The following CPZ variants were observed in gnomAD, a reference collection of about 807,000 sequenced individuals.
CPZ encodes the protein VEZT/CPZ fusion.
In CPZ, 103 loss-of-function variants were observed where a neutral mutation model predicts 61.8. The observed-to-expected ratio is 1.67, with a 90% CI of 1.42 to 1.96. CPZ has a LOEUF of 1.96. Ranked by LOEUF, CPZ falls within the 30% of genes most tolerant of loss-of-function variation. The probability of loss-of-function intolerance (pLI) is 0.00; values close to 1 mark genes in which losing one functional copy is unlikely to be tolerated. For synonymous variants in CPZ, 551 were observed against 373.7 expected, an observed-to-expected ratio of 1.47 and a Z score of -5.47; for missense variants, 1,461 against 914.9, an observed-to-expected ratio of 1.60 and a Z score of -7.70.
rs768055195 is a variant in CPZ, at chr4:8,607,259, C to T, written c.1069-8C>T. 9 of 1,613,780 alleles carry T rather than the reference C, an allele frequency of 5.6e-6. No individual in the cohort carries two copies. Among genetic ancestry groups the T allele is most frequent in the Non-Finnish European group, 7.6e-6 (9 of 1,179,890 alleles). ...AGCCCTGAGGGCGGCCTCGTCTGTC[C>T]TGGGCAGGTGGCCCCGGAGACAAAG... On this transcript the variant is annotated splice_polypyrimidine_tract_variant and splice_region_variant and intron_variant, in intron 6 of 10. Coordinates refer to ENST00000360986, the MANE Select transcript of CPZ (RefSeq NM_001014447.3).
chr4:8,609,940 C>T (rs769614288), intron 7 of CPZ, among the ~76,000 whole-genome samples: 28 of 152,262 alleles, frequency 1.8e-4, no homozygotes, highest in African/African-American at 4.8e-4. Flanking sequence ...GCCCTACGGA[C>T]GAGAGCCAGT....
intron 1 of CPZ, among the ~76,000 whole-genome samples, chr4:8,597,100 C>G (rs1010856566): frequency 5.9e-5 from 9 of 152,178 alleles, no homozygotes; most frequent in African/African-American, 2.2e-4. Context: ...TGTGCTGTAG[C>G]ATCTGCCTCG....
intron 4 of CPZ, among the ~76,000 whole-genome samples, chr4:8,605,641 T>TCCATCCATCCATCCATCCATC (rs1714930948): frequency 7.6e-6 from 1 of 131,418 alleles, no homozygotes; most frequent in African/African-American, 3.8e-5. Flanking sequence ...ATATATCCAT[T>TCCATCCATCCATCCATCCATC]CATCCACTCA....
At position 8,601,175 on chromosome 4, in the gene CPZ, C is replaced by T. The variant is rs768724439; in HGVS notation, c.174C>T (p.His58=). The stretch of plus-strand genomic sequence containing the variant: ...CCTGCAGCGATGCCGCCTACAACCA[C>T]ACCACCTTCCCCAACCTGCTTCAGC... The part of the protein sequence containing the change: ...LRTCSDAAYN[H]TTFPNLLQHR... The change falls in exon 3 of 11, where the codon CAC becomes CAT. Residue 58 remains histidine, a synonymous_variant. Transcript: ENST00000360986. 6.2e-6 allele frequency: 10 copies of T among 1,607,452 alleles called. No individual in the cohort carries two copies. Among genetic ancestry groups the T allele is most frequent in the Middle Eastern group, 1.6e-4 (1 of 6,064 alleles).
chr4:8,597,740 G>C (rs3796734), intron 1 of CPZ: 60,529 of 152,232 alleles, frequency 0.4, 12,830 homozygotes, highest in East Asian at 0.61. Context: ...TGAAACCATC[G>C]CAGGAATGAT....
At chr4:8,616,193 A>C (rs1002609093) in intron 9 of CPZ, among the ~76,000 whole-genome samples, 9 of 152,174 alleles carry the variant, frequency 5.9e-5, no homozygotes, top group Admixed American at 2.0e-4. Flanking sequence ...CGGGCTCCTG[A>C]TAAGGATCAA....
rs781429511 is a variant in CPZ at position 8,618,557 on chromosome 4, G to GA, written c.1603+30dup. On this transcript the variant is annotated intron_variant, in intron 10 of 10. Coordinates refer to ENST00000360986, the MANE Select transcript of CPZ (RefSeq NM_001014447.3). ...AGCACGTCCCTGGCTGTCCCCTGGG[G>GA]ACCACGTCTGCCAAGGAAATGCCAC... 2.5e-6 allele frequency: 4 copies of GA among 1,599,680 alleles called. No individual in the cohort carries two copies. The South Asian group carries it at 3.3e-5, about 13-fold the overall frequency.
At chr4:8,610,470 T>G (rs548248184) in intron 7 of CPZ, among the ~76,000 whole-genome samples, 7 of 152,070 alleles carry the variant, frequency 4.6e-5, no homozygotes, top group African/African-American at 1.7e-4. Context: ...GGAGGCCTTG[T>G]GGGTAGAAAG....
At chr4:8,609,471 G>A (rs1412252017) in intron 7 of CPZ, among the ~76,000 whole-genome samples, 3 of 136,684 alleles carry the variant, frequency 2.2e-5, no homozygotes, top group East Asian at 1.9e-4. Flanking sequence ...CCAAGGGTGC[G>A]AGGGGTGAGG....
rs59809989 is a variant in CPZ at position 8,604,221 on chromosome 4, C to T, written c.709+33C>T. The T allele has an allele frequency of 1.8e-4, 270 of 1,494,754 alleles. 1 individual carries two copies. Among genetic ancestry groups the T allele is most frequent in the African/African-American group, 7.9e-4 (57 of 71,976 alleles). 92.6% of individuals were successfully genotyped at this position (1,494,754 alleles called of 1,614,324 possible). On this transcript the variant is annotated intron_variant, in intron 4 of 10. Coordinates refer to ENST00000360986, the MANE Select transcript of CPZ (RefSeq NM_001014447.3). Reference sequence around the variant, plus strand: ...CCCTTGGGAGAGCCTGGCCTGGCCCCGTTTCGGGAAAGGGCTTGGGCCGCT... The same window carrying T: ...CCCTTGGGAGAGCCTGGCCTGGCCCTGTTTCGGGAAAGGGCTTGGGCCGCT...
At chr4:8,614,987 C>G (rs969578578) in intron 9 of CPZ, among the ~76,000 whole-genome samples, 6 of 152,044 alleles carry the variant, frequency 3.9e-5, no homozygotes, top group African/African-American at 4.8e-5. Flanking sequence ...GGTGAGGACT[C>G]GAGCCGTGGG....
Position 8,619,470 on chromosome 4 carries a change from G to A in CPZ, c.1812G>A (p.Leu604=), listed in dbSNP as rs116784082. The A allele has an allele frequency of 1.6e-4, 254 of 1,610,116 alleles. No individual in the cohort carries two copies. In the African/African-American group the frequency reaches 3.0e-3, roughly 19 times the overall value. The change falls in exon 11 of 11, where the codon CTG becomes CTA. Residue 604 remains leucine, a synonymous_variant. Coordinates refer to ENST00000360986, the MANE Select transcript of CPZ (RefSeq NM_001014447.3). ...GLRRTGPHDP[L]GGASSLGEAT... Reference sequence around the variant, plus strand: ...GGAGGACTGGGCCCCACGACCCACTGGGAGGTGCCAGCTCTTTGGGGGAGG... The same window carrying A: ...GGAGGACTGGGCCCCACGACCCACTAGGAGGTGCCAGCTCTTTGGGGGAGG...
chr4:8,614,351 T>G lies in CPZ; in HGVS notation c.1364-8T>G. ...ACCCCTGACGTCCCCGCTGTCTCTGTGCCACAGGCATGTCCGATTTCAACT... is the reference window on the plus strand; with the variant it reads ...ACCCCTGACGTCCCCGCTGTCTCTGGGCCACAGGCATGTCCGATTTCAACT... On this transcript the variant is annotated splice_polypyrimidine_tract_variant and splice_region_variant and intron_variant, in intron 8 of 10. Coordinates refer to ENST00000360986, the MANE Select transcript of CPZ (RefSeq NM_001014447.3). 6.2e-7 allele frequency: 1 copy of G among 1,611,954 alleles called. No individual in the cohort carries two copies.
At chr4:8,613,737 G>A (rs1207241880) in intron 8 of CPZ, among the ~76,000 whole-genome samples, 1 of 152,212 alleles carries the variant, frequency 6.6e-6, no homozygotes, top group Non-Finnish European at 1.5e-5. Flanking sequence ...GGCTGGGGTC[G>A]ACCCAGCTTG....
Position 8,606,764 on chromosome 4 carries a change from G to T in CPZ, c.934G>T (p.Gly312Trp), listed in dbSNP as rs1379143830. 4 of 1,614,166 alleles carry T rather than the reference G, an allele frequency of 2.5e-6. No individual in the cohort carries two copies. The East Asian group carries it at 8.9e-5, about 36-fold the overall frequency. The stretch of plus-strand genomic sequence containing the variant: ...TGCCGGCTACAACGGGTGGACGAGC[G>T]GGAGGCAGAACGCGCAGAACCTGGA... ...EGAGYNGWTS[G>W]RQNAQNLDLN... The change falls in exon 6 of 11, where the codon GGG becomes TGG. Residue 312 changes from glycine to tryptophan, a missense_variant. By Grantham distance (184) the Gly-to-Trp change is radical. Transcript: ENST00000360986.
chr4:8,618,295 G>A (rs1256567845), intron 9 of CPZ, 134 bp from the exon 10 acceptor site: 15 of 730,322 alleles, frequency 2.1e-5, no homozygotes, highest in Non-Finnish European at 6.9e-6. Flanking sequence ...AGCGAGGGCT[G>A]GCAGAGTGGG....
intron 1 of CPZ, among the ~76,000 whole-genome samples, chr4:8,593,847 C>T (rs559792353): frequency 1.3e-5 from 2 of 152,306 alleles, no homozygotes; most frequent in South Asian, 2.1e-4. Context: ...CCCACCTCTG[C>T]TCCTCGCCTT....
At chr4:8,614,665 C>T (rs185495677) in intron 9 of CPZ, among the ~76,000 whole-genome samples, 167 bp downstream of exon 9, 143 of 152,336 alleles carry the variant, frequency 9.4e-4, no homozygotes, top group Admixed American at 2.5e-3. Flanking sequence ...ACTTGAGATA[C>T]AGTAGCCGGC....
intron 4 of CPZ, among the ~76,000 whole-genome samples, 169 bp from the exon 5 acceptor site, chr4:8,605,820 C>T (rs1416912197): frequency 6.6e-6 from 1 of 152,210 alleles, no homozygotes; most frequent in Non-Finnish European, 1.5e-5. Flanking sequence ...ACGAGCTTAA[C>T]AAAAGTGATG....
Sources: allele counts gnomAD v4.1 joint callset (sites outside exome capture counted in the v4.1 genomes callset), GRCh38; gene constraint gnomAD v4.1.1; transcripts MANE v1.5; gene names NCBI Gene and HGNC (gene_info 2026-07-23, HGNC 2026-07-21).